Variants in STAU2 observed in about 807,000 individuals in gnomAD.
STAU2 encodes the protein double-stranded RNA-binding protein Staufen homolog 2.
Under a neutral mutation model 65.9 loss-of-function variants are expected in STAU2, and 20 were observed. That is an observed-to-expected ratio of 0.30 (90% CI 0.21 to 0.44). The LOEUF (loss-of-function observed/expected upper bound fraction) is 0.44, where lower values mean the gene tolerates loss of function less well. Ranked by LOEUF, STAU2 falls within the 20% of genes least tolerant of loss-of-function variation. The probability of loss-of-function intolerance (pLI) is 1.00; values close to 1 mark genes in which losing one functional copy is unlikely to be tolerated. For missense variants in STAU2, 558 were observed against 683.9 expected (o/e 0.82, Z 2.05); for synonymous variants, 232 against 233.9 (o/e 0.99, Z 0.07).
chr8:73,540,811 T>C (rs1234450084), intron 13 of STAU2, among the ~76,000 whole-genome samples: 1 of 152,180 alleles, frequency 6.6e-6, no homozygotes, highest in Non-Finnish European at 1.5e-5. Context: ...GCAGTAAGAA[T>C]TATGAGTTTT....
At chr8:73,543,508 T>C (rs1467214382) in intron 13 of STAU2, among the ~76,000 whole-genome samples, 2 of 152,212 alleles carry the variant, frequency 1.3e-5, no homozygotes, top group South Asian at 2.1e-4. Flanking sequence ...TAATCATAAG[T>C]AACCTCACAA....
At chr8:73,602,264 T>G (rs538775028) in intron 10 of STAU2, among the ~76,000 whole-genome samples, 1 of 152,194 alleles carries the variant, frequency 6.6e-6, no homozygotes, top group Non-Finnish European at 1.5e-5. Context: ...AGCTATACAC[T>G]TAAACTTAAT....
chr8:73,688,585 T>C (rs894093794), intron 5 of STAU2, 69 bp downstream of exon 5: 74 of 1,574,534 alleles, frequency 4.7e-5, no homozygotes, highest in Non-Finnish European at 6.0e-5. Context: ...ACTAGCCTAC[T>C]ATAAATGAAA....
intron 6 of STAU2, chr8:73,651,304 C>T: frequency 1.5e-6 from 1 of 674,562 alleles, no homozygotes; most frequent in South Asian, 1.5e-5. Flanking sequence ...ACACAGCCTT[C>T]ACCACGGAGC....
intron 13 of STAU2, among the ~76,000 whole-genome samples, chr8:73,479,472 GCACACACACACACACACA>G (rs5892420): frequency 7.2e-6 from 1 of 139,842 alleles, no homozygotes; most frequent in African/African-American, 2.7e-5. Flanking sequence ...TCCCTATTCT[GCACACACACACACACACA>G]CACACACACT....
At chr8:73,558,813 G>GA (rs35776038) in intron 12 of STAU2, among the ~76,000 whole-genome samples, 58,055 of 150,298 alleles carry the variant, frequency 0.39, 11,836 homozygotes, top group Non-Finnish European at 0.47. Flanking sequence ...GAAAAGCTTT[G>GA]AAAAAAAAAA....
chr8:73,636,698 A>G (rs1169805614), intron 6 of STAU2, among the ~76,000 whole-genome samples: 1 of 151,888 alleles, frequency 6.6e-6, no homozygotes, highest in African/African-American at 2.4e-5. Context: ...TCCTGTCTCT[A>G]CTAAAAATAT....
chr8:73,660,514 C>T (rs1460352372), intron 6 of STAU2, among the ~76,000 whole-genome samples: 1 of 152,216 alleles, frequency 6.6e-6, no homozygotes, highest in African/African-American at 2.4e-5. Flanking sequence ...GAAGTTCTAT[C>T]ATGGTAAATG....
intron 5 of STAU2, among the ~76,000 whole-genome samples, chr8:73,677,154 A>C (rs1470353798): frequency 1.3e-5 from 2 of 152,188 alleles, no homozygotes; most frequent in Admixed American, 1.3e-4. Flanking sequence ...TATTAGAGAA[A>C]TGCAAATTAA....
intron 10 of STAU2, among the ~76,000 whole-genome samples, chr8:73,598,978 A>G (rs1022285657): frequency 2.0e-5 from 3 of 152,248 alleles, no homozygotes; most frequent in Non-Finnish European, 4.4e-5. Context: ...AAACTTTAAG[A>G]AAAACCTCAT....
At chr8:73,576,074 T>C (rs1563433946) in intron 12 of STAU2, among the ~76,000 whole-genome samples, 1 of 152,148 alleles carries the variant, frequency 6.6e-6, no homozygotes, top group African/African-American at 2.4e-5. Flanking sequence ...AATTAGATAC[T>C]TTGAAGGGCC....
chr8:73,638,361 A>G (rs1301017784), intron 6 of STAU2, among the ~76,000 whole-genome samples: 1 of 151,372 alleles, frequency 6.6e-6, no homozygotes, highest in Admixed American at 6.6e-5. Context: ...CCCTTTTTCA[A>G]ATAATAGCTA....
At chr8:73,735,667 C>T (rs1806382825) in intron 3 of STAU2, among the ~76,000 whole-genome samples, 1 of 152,168 alleles carries the variant, frequency 6.6e-6, no homozygotes, top group East Asian at 1.9e-4. Context: ...GAATACTCAA[C>T]CTGTACAATT....
chr8:73,449,213 A>C (rs1818659729), intron 13 of STAU2, among the ~76,000 whole-genome samples: 1 of 152,138 alleles, frequency 6.6e-6, no homozygotes, highest in Non-Finnish European at 1.5e-5. Context: ...CATCCCACAG[A>C]CCGCCACTGA....
chr8:73,572,731 A>G (rs1809202137), intron 12 of STAU2, among the ~76,000 whole-genome samples: 1 of 152,208 alleles, frequency 6.6e-6, no homozygotes, highest in Admixed American at 6.5e-5. Flanking sequence ...AAAACTAGGT[A>G]TTGATGGGAT....
chr8:73,687,861 G>A (rs567401999), intron 5 of STAU2, among the ~76,000 whole-genome samples: 15 of 151,776 alleles, frequency 9.9e-5, no homozygotes, highest in East Asian at 9.8e-4. Context: ...ACAGGCACCC[G>A]CCACCATGTC....
At chr8:73,689,551 T>A (rs1819181269) in intron 4 of STAU2, among the ~76,000 whole-genome samples, 1 of 152,174 alleles carries the variant, frequency 6.6e-6, no homozygotes, top group South Asian at 2.1e-4. Flanking sequence ...TGCATCCTCA[T>A]CTCACACACA....
chr8:73,603,965 AC>A, intron 9 of STAU2, 102 bp from the exon 10 acceptor site: 1 of 1,217,914 alleles, frequency 8.2e-7, no homozygotes. Context: ...ACACCCCAAA[AC>A]TGTGACTAGA....
At chr8:73,574,789 G>A (rs893667472) in intron 12 of STAU2, among the ~76,000 whole-genome samples, 1 of 152,020 alleles carries the variant, frequency 6.6e-6, no homozygotes, top group South Asian at 2.1e-4. Context: ...GATAGCATTA[G>A]GAGATATACC....
Sources: allele counts gnomAD v4.1 joint callset (sites outside exome capture counted in the v4.1 genomes callset), GRCh38; gene constraint gnomAD v4.1.1; transcripts MANE v1.5; gene names NCBI Gene and HGNC (gene_info 2026-07-23, HGNC 2026-07-21).